Variants in GTF2F2 observed in about 807,000 individuals in gnomAD.
GTF2F2 encodes the protein general transcription factor IIF subunit 2.
A neutral mutation model predicts 42.2 loss-of-function variants in GTF2F2; 23 were observed. That is an observed-to-expected ratio of 0.55 (90% CI 0.39 to 0.77). The LOEUF is 0.77. Among genes scored for constraint, GTF2F2 ranks in the 30% least tolerant of loss-of-function variants. The pLI, the probability that GTF2F2 is intolerant of heterozygous loss-of-function variation, is 0.00. For synonymous variants in GTF2F2, 105 were observed against 100.8 expected, an observed-to-expected ratio of 1.04 and a Z score of -0.25; for missense variants, 261 against 287.2, an observed-to-expected ratio of 0.91 and a Z score of 0.66.
chr13:45,263,389 C>T lies in GTF2F2; in HGVS notation c.487-3844C>T, dbSNP rs575456955. ...GACTTCAGGCGCCCGCCACCATGCC[C>T]GGCTAATTTTTTGTATTTTTAGTAG... On this transcript the variant is annotated intron_variant, in intron 6 of 7. Transcript: ENST00000340473. 1.9e-4 allele frequency among the ~76,000 whole-genome samples: 29 copies of T among 152,112 alleles called. No individual in the cohort carries two copies. In the South Asian group the frequency reaches 5.2e-3, roughly 27 times the overall value.
rs543410727 is a variant in GTF2F2, at chr13:45,168,195, T to C, written c.304+16364T>C. On this transcript the variant is annotated intron_variant, in intron 4 of 7. Transcript: ENST00000340473. ...TTCACAAGTTTGGGACAGACTCCTA[T>C]AGATTAGGGGCTGTGGCATAGATGC... Among the ~76,000 whole-genome samples, 12 of 152,346 alleles carry C rather than the reference T, an allele frequency of 7.9e-5. No individual in the cohort carries two copies. The South Asian group carries it at 2.1e-3, about 26-fold the overall frequency.
intron 5 of GTF2F2, among the ~76,000 whole-genome samples, chr13:45,232,692 C>T (rs957647998): frequency 6.6e-6 from 1 of 152,134 alleles, no homozygotes; most frequent in East Asian, 1.9e-4. Flanking sequence ...AGTCTTTATT[C>T]TGTAATTTCT....
chr13:45,124,827 G>A (rs1201098026), intron 1 of GTF2F2, among the ~76,000 whole-genome samples: 1 of 152,132 alleles, frequency 6.6e-6, no homozygotes, highest in Admixed American at 6.5e-5. Context: ...GCCTCCCAAA[G>A]TGCTGGGATT....
At chr13:45,231,862 C>G (rs1009404420) in intron 5 of GTF2F2, among the ~76,000 whole-genome samples, 5 of 152,174 alleles carry the variant, frequency 3.3e-5, no homozygotes, top group African/African-American at 7.2e-5. Context: ...CATGGAGTCA[C>G]TAATGAAGTA....
At chr13:45,268,704 A>G (rs1876668246) in intron 7 of GTF2F2, among the ~76,000 whole-genome samples, 1 of 152,108 alleles carries the variant, frequency 6.6e-6, no homozygotes, top group Non-Finnish European at 1.5e-5. Flanking sequence ...ATCTGTATGA[A>G]AAGACCCTTC....
intron 4 of GTF2F2, among the ~76,000 whole-genome samples, chr13:45,182,055 CCTT>C (rs1408898813): frequency 3.9e-5 from 6 of 152,134 alleles, no homozygotes; most frequent in Admixed American, 3.3e-4. Flanking sequence ...TTATGTAGCC[CCTT>C]CTTCTTCATA....
At chr13:45,220,477 C>T (rs1874061781) in intron 5 of GTF2F2, among the ~76,000 whole-genome samples, 1 of 151,996 alleles carries the variant, frequency 6.6e-6, no homozygotes, top group African/African-American at 2.4e-5. Flanking sequence ...TTTCAGAAGT[C>T]AAACTTCATC....
intron 4 of GTF2F2, among the ~76,000 whole-genome samples, chr13:45,177,615 A>G (rs909406904): frequency 6.6e-6 from 1 of 152,112 alleles, no homozygotes; most frequent in East Asian, 1.9e-4. Flanking sequence ...AATGACCCTT[A>G]TTTTACTTAA....
intron 5 of GTF2F2, among the ~76,000 whole-genome samples, chr13:45,207,737 C>T (rs1223675152): frequency 6.6e-6 from 1 of 152,174 alleles, no homozygotes; most frequent in Non-Finnish European, 1.5e-5. Context: ...ATCCTGGAAT[C>T]AAAGTTTTTA....
chr13:45,161,671 G>A (rs896143923), intron 4 of GTF2F2, among the ~76,000 whole-genome samples: 3 of 152,082 alleles, frequency 2.0e-5, no homozygotes, highest in South Asian at 2.1e-4. Context: ...GTGAAACGCC[G>A]TCCCTACCAA....
At chr13:45,168,774 G>A (rs1418092742) in intron 4 of GTF2F2, among the ~76,000 whole-genome samples, 1 of 146,570 alleles carries the variant, frequency 6.8e-6, no homozygotes, top group Non-Finnish European at 1.5e-5. Context: ...CACCACACCT[G>A]GCTGGCTTCC....
chr13:45,166,997 C>T (rs1189953638), intron 4 of GTF2F2, among the ~76,000 whole-genome samples: 2 of 151,964 alleles, frequency 1.3e-5, no homozygotes, highest in Admixed American at 6.6e-5. Flanking sequence ...TCCTACCAGC[C>T]GTTAGACAGC....
chr13:45,225,719 CTT>C (rs1317571890), intron 5 of GTF2F2, among the ~76,000 whole-genome samples: 1 of 151,778 alleles, frequency 6.6e-6, no homozygotes, highest in Non-Finnish European at 1.5e-5. Context: ...CACCCAAGTA[CTT>C]CTTTAAAAAT....
At chr13:45,258,816 A>G (rs1453274965) in intron 6 of GTF2F2, among the ~76,000 whole-genome samples, 1 of 152,224 alleles carries the variant, frequency 6.6e-6, no homozygotes, top group African/African-American at 2.4e-5. Flanking sequence ...ATAAAGATAT[A>G]TGCATAGCTC....
rs1011045479 is a variant in GTF2F2 at position 45,222,252 on chromosome 13, CT to C, written c.386+14750del. On this transcript the variant is annotated intron_variant, in intron 5 of 7. Transcript: ENST00000340473. ...ATGTTTATCATAACCTTTTTAGCCT[CT>C]TTCATTTTAGGAGATTTATCTGAAG... Among the ~76,000 whole-genome samples, 24 of 152,224 alleles carry C rather than the reference CT, an allele frequency of 1.6e-4. 1 individual carries two copies. The highest frequency in any genetic ancestry group is 5.3e-4 in the African/African-American group (22 of 41,540).
Position 45,218,171 on chromosome 13 carries a change from C to G in GTF2F2, c.386+10666C>G, listed in dbSNP as rs562203583. On this transcript the variant is annotated intron_variant, in intron 5 of 7. Transcript: ENST00000340473. ...GGATTTGTCACCAGGACAACCATCT[C>G]TGCTTCGTGGGCCAAATGGGCAGAT... Among the ~76,000 whole-genome samples the G allele has an allele frequency of 1.1e-4, 16 of 152,300 alleles. No homozygotes were observed. The South Asian group carries it at 3.1e-3, about 30-fold the overall frequency.
chr13:45,236,014 T>C (rs1874959382), intron 5 of GTF2F2, among the ~76,000 whole-genome samples: 2 of 152,230 alleles, frequency 1.3e-5, no homozygotes, highest in Admixed American at 6.5e-5. Flanking sequence ...GGAGGTCTTA[T>C]TGTAGTAGTC....
intron 7 of GTF2F2, among the ~76,000 whole-genome samples, chr13:45,274,728 G>A (rs1163404482): frequency 2.0e-5 from 3 of 152,066 alleles, no homozygotes; most frequent in Admixed American, 6.6e-5. Flanking sequence ...GATCACTTGA[G>A]TCAAGGAGTT....
intron 1 of GTF2F2, among the ~76,000 whole-genome samples, chr13:45,125,470 C>T (rs1868941303): frequency 6.6e-6 from 1 of 152,252 alleles, no homozygotes; most frequent in South Asian, 2.1e-4. Context: ...CAGGCGCGGG[C>T]CACCACACCC....
Sources: gnomAD v4.1 joint callset for allele counts (sites outside exome capture counted in the v4.1 genomes callset) on GRCh38, gnomAD v4.1.1 for gene constraint, MANE v1.5 for transcripts, NCBI Gene and HGNC (gene_info 2026-07-23, HGNC 2026-07-21) for gene names.